DENND4A: variants seen among roughly 807,000 people sequenced by gnomAD.
The protein encoded by DENND4A is DENN domain containing 4A.
In DENND4A, 70 loss-of-function variants were observed where a neutral mutation model predicts 199.3. The ratio of observed to expected loss-of-function variants is 0.35; its 90% CI spans 0.29 to 0.43. DENND4A has a LOEUF of 0.43. Among genes scored for constraint, DENND4A ranks in the 20% least tolerant of loss-of-function variants. The pLI, the probability that DENND4A is intolerant of heterozygous loss-of-function variation, is 1.00. For missense variants in DENND4A, 1,723 were observed against 2,255.8 expected (o/e 0.76, Z 4.78); for synonymous variants, 686 against 766.9 (o/e 0.89, Z 1.74).
At chr15:65,672,824 CAT>C (rs2076257494) in intron 24 of DENND4A, among the ~76,000 whole-genome samples, 1 of 151,756 alleles carries the variant, frequency 6.6e-6, no homozygotes, top group Non-Finnish European at 1.5e-5. Flanking sequence ...CTTCTCAACA[CAT>C]GTTTTTCTCT....
intron 13 of DENND4A, 83 bp from the exon 14 acceptor site, chr15:65,715,706 C>T (rs2075376771): frequency 1.5e-6 from 2 of 1,345,420 alleles, no homozygotes; most frequent in African/African-American, 3.0e-5. Flanking sequence ...AGAATCTGAA[C>T]AACCATGTCA....
chr15:65,685,387 A>T (rs1403122238), intron 23 of DENND4A, among the ~76,000 whole-genome samples: 1 of 152,024 alleles, frequency 6.6e-6, no homozygotes, highest in Admixed American at 6.5e-5. Flanking sequence ...TGGCCTCCCA[A>T]AGTGTTGGGA....
chr15:65,709,719 A>AAAAATATATAT (rs1218030026), intron 14 of DENND4A, among the ~76,000 whole-genome samples: 2 of 51,472 alleles, frequency 3.9e-5, no homozygotes, highest in Non-Finnish European at 6.3e-5. Context: ...AAAAAAAAAA[A>AAAAATATATAT]ATATATATAT....
chr15:65,704,568 T>C (rs1372092604), intron 15 of DENND4A, among the ~76,000 whole-genome samples: 6 of 151,766 alleles, frequency 4.0e-5, no homozygotes, highest in Admixed American at 3.9e-4. Context: ...AGAGATAAGG[T>C]CTTGCTATGT....
rs1043584733 is a variant in DENND4A, at chr15:65,786,540, G to A, written c.-102+5470C>T. On this transcript the variant is annotated intron_variant, in intron 1 of 32. Coordinates refer to ENST00000443035, the MANE Select transcript of DENND4A (RefSeq NM_001320835.1). ...AGCCCAGGTGTTTGAGACCAGCCTA[G>A]GCAACATGATGAAACCCAGTCTCTA... 2.0e-5 allele frequency among the ~76,000 whole-genome samples: 3 copies of A among 151,426 alleles called. No homozygotes were observed. The South Asian group carries it at 6.3e-4, about 32-fold the overall frequency.
rs138360231 is a variant in DENND4A at position 65,716,249 on chromosome 15, T to C, written c.1808-626A>G. Among the ~76,000 whole-genome samples, 241 of 152,022 alleles carry C rather than the reference T, an allele frequency of 1.6e-3. 1 individual carries two copies. The highest frequency in any genetic ancestry group is 5.7e-3 in the African/African-American group (236 of 41,496). ...TCTTTTTTTTTTCTTTTATTTTTCT[T>C]TTATTATTATTATACTTTAAGTTTT... On this transcript the variant is annotated intron_variant, in intron 13 of 32. Coordinates refer to ENST00000443035, the MANE Select transcript of DENND4A (RefSeq NM_001320835.1).
intron 14 of DENND4A, among the ~76,000 whole-genome samples, chr15:65,707,867 G>T (rs899071670): frequency 2.0e-5 from 3 of 148,460 alleles, no homozygotes; most frequent in Non-Finnish European, 4.5e-5. Context: ...TATATTTTTA[G>T]TAGTGACAGG....
At chr15:65,677,239 T>A (rs2076411484) in intron 23 of DENND4A, among the ~76,000 whole-genome samples, 1 of 152,122 alleles carries the variant, frequency 6.6e-6, no homozygotes, top group Non-Finnish European at 1.5e-5. Flanking sequence ...TGAGACAGGG[T>A]CCACTCTGCT....
chr15:65,708,446 G>T (rs979440308), intron 14 of DENND4A, among the ~76,000 whole-genome samples: 9 of 152,020 alleles, frequency 5.9e-5, no homozygotes, highest in African/African-American at 2.2e-4. Flanking sequence ...CTAGTTTTCG[G>T]TAAAGTCTAT....
At chr15:65,664,818 C>A (rs2075982728) in intron 30 of DENND4A, 96 bp from the exon 31 acceptor site, 30 of 1,081,722 alleles carry the variant, frequency 2.8e-5, no homozygotes, top group South Asian at 3.9e-5. Flanking sequence ...TTACAAAGCA[C>A]TAAAAATAAA....
intron 24 of DENND4A, among the ~76,000 whole-genome samples, chr15:65,673,464 G>A (rs1262711858): frequency 1.3e-5 from 2 of 151,324 alleles, no homozygotes. Flanking sequence ...GAGTGAGACT[G>A]TCTCAAAATA....
chr15:65,716,085 C>CTAATTA (rs2075389391), intron 13 of DENND4A, among the ~76,000 whole-genome samples: 1 of 152,020 alleles, frequency 6.6e-6, no homozygotes, highest in South Asian at 2.1e-4. Context: ...ATTCACCTTA[C>CTAATTA]TAATTATGCT....
intron 16 of DENND4A, 120 bp downstream of exon 16, chr15:65,702,753 G>T: frequency 1.9e-6 from 2 of 1,055,592 alleles, no homozygotes; most frequent in Non-Finnish European, 2.8e-6. Context: ...ACAGTGCTTT[G>T]GTGAACATAA....
intron 18 of DENND4A, 103 bp from the exon 19 acceptor site, chr15:65,701,295 G>A (rs1486385576): frequency 3.0e-6 from 3 of 997,646 alleles, no homozygotes; most frequent in East Asian, 2.9e-5. Flanking sequence ...GGCCAGGAGT[G>A]GTGGCTCATG....
intron 29 of DENND4A, among the ~76,000 whole-genome samples, chr15:65,665,963 A>G (rs1221335681): frequency 2.0e-5 from 3 of 152,246 alleles, no homozygotes; most frequent in Admixed American, 2.0e-4. Flanking sequence ...AGACACTTTT[A>G]TAAAACAACA....
intron 1 of DENND4A, among the ~76,000 whole-genome samples, chr15:65,787,563 T>G (rs996154216): frequency 6.6e-6 from 1 of 152,124 alleles, no homozygotes; most frequent in Admixed American, 6.5e-5. Flanking sequence ...TAGATGAATA[T>G]ATACCCAGCC....
At chr15:65,769,362 G>C (rs935831843) in intron 1 of DENND4A, among the ~76,000 whole-genome samples, 7 of 152,074 alleles carry the variant, frequency 4.6e-5, no homozygotes, top group Non-Finnish European at 1.0e-4. Context: ...ATTCCTCTGA[G>C]CTCTCTAAAA....
intron 8 of DENND4A, among the ~76,000 whole-genome samples, chr15:65,732,284 G>C (rs2075981960): frequency 6.6e-6 from 1 of 151,988 alleles, no homozygotes; most frequent in African/African-American, 2.4e-5. Flanking sequence ...CTACATTCCA[G>C]GAAACAAGAC....
intron 14 of DENND4A, among the ~76,000 whole-genome samples, chr15:65,707,047 T>C (rs1047331210): frequency 7.2e-5 from 11 of 152,176 alleles, no homozygotes; most frequent in African/African-American, 2.7e-4. Flanking sequence ...GAATTCTATA[T>C]ATTTTTAAAA....
Sources: allele counts gnomAD v4.1 joint callset (sites outside exome capture counted in the v4.1 genomes callset), GRCh38; gene constraint gnomAD v4.1.1; transcripts MANE v1.5; gene names NCBI Gene and HGNC (gene_info 2026-07-23, HGNC 2026-07-21).